The following RBFOX1 variants were observed in gnomAD, a reference collection of about 807,000 sequenced individuals.
The protein encoded by RBFOX1 is RNA binding protein fox-1 homolog 1.
RBFOX1 carries 8 observed loss-of-function variants against 57.7 expected under a neutral mutation model. That is an observed-to-expected ratio of 0.14 (90% CI 0.08 to 0.25). The LOEUF (loss-of-function observed/expected upper bound fraction) is 0.25, where lower values mean the gene tolerates loss of function less well. Among genes scored for constraint, RBFOX1 ranks in the 10% least tolerant of loss-of-function variants. The pLI is 1.00. For missense variants in RBFOX1, 611 were observed against 548.5 expected, an observed-to-expected ratio of 1.11 and a Z score of -1.14; for synonymous variants, 326 against 222.4, an observed-to-expected ratio of 1.47 and a Z score of -4.15.
intron 13 of RBFOX1, among the ~76,000 whole-genome samples, chr16:7,665,757 A>G (rs2069063130): frequency 6.6e-6 from 1 of 152,166 alleles, no homozygotes; most frequent in African/African-American, 2.4e-5. Context: ...CTAAATCACA[A>G]TTTTTATTAC....
chr16:5,417,665 C>T (rs1050114393), intron 1 of RBFOX1, among the ~76,000 whole-genome samples: 7 of 152,178 alleles, frequency 4.6e-5, no homozygotes, highest in Non-Finnish European at 1.0e-4. Flanking sequence ...TGGGGAAGGC[C>T]TGCCATTTTC....
At position 7,402,950 on chromosome 16, in the gene RBFOX1, C is replaced by T. The variant is rs187378998; in HGVS notation, c.28-115197C>T. 3.2e-3 allele frequency among the ~76,000 whole-genome samples: 486 copies of T among 152,238 alleles called. 2 individuals carry two copies. The highest frequency in any genetic ancestry group is 5.7e-3 in the Non-Finnish European group (391 of 68,020). On this transcript the variant is annotated intron_variant, in intron 4 of 15. Coordinates refer to ENST00000550418, the MANE Select transcript of RBFOX1 (RefSeq NM_018723.4). ...CTTGGAGGCAATTCTAGAAACACTG[C>T]AGAAAATTTGCAGTTTCTCCTCCAA...
chr16:7,309,365 C>G (rs1425475655), intron 4 of RBFOX1, among the ~76,000 whole-genome samples: 2 of 152,224 alleles, frequency 1.3e-5, no homozygotes, highest in Non-Finnish European at 2.9e-5. Context: ...TGGGCTGCCT[C>G]TGCTTTAAAA....
chr16:6,886,066 C>CTT (rs543955510), intron 3 of RBFOX1, among the ~76,000 whole-genome samples: 5,662 of 129,004 alleles, frequency 0.044, 261 homozygotes, highest in East Asian at 0.18. Flanking sequence ...TTTTTTTTTT[C>CTT]TTTTTTTTTT....
chr16:7,344,768 G>T (rs2096962999), intron 4 of RBFOX1, among the ~76,000 whole-genome samples: 1 of 152,192 alleles, frequency 6.6e-6, no homozygotes, highest in South Asian at 2.1e-4. Flanking sequence ...AGACCAGCCA[G>T]GTGTCTGGCT....
chr16:6,134,061 C>G (rs980890468), intron 1 of RBFOX1, among the ~76,000 whole-genome samples: 11 of 151,958 alleles, frequency 7.2e-5, no homozygotes, highest in African/African-American at 2.4e-4. Flanking sequence ...CTCAGCCCCC[C>G]AGGTAACTGA....
intron 1 of RBFOX1, among the ~76,000 whole-genome samples, chr16:5,390,863 A>C (rs1196193377): frequency 1.3e-5 from 2 of 152,188 alleles, no homozygotes; most frequent in African/African-American, 4.8e-5. Flanking sequence ...TCTTGTCACC[A>C]TAAGGGAAAG....
intron 3 of RBFOX1, chr16:6,873,966 C>T (rs879618329): frequency 6.6e-6 from 1 of 152,122 alleles, no homozygotes; most frequent in African/African-American, 2.4e-5. Context: ...GACCCCTGCA[C>T]AACGATGACA....
At chr16:6,336,595 C>T (rs2083790005) in intron 2 of RBFOX1, among the ~76,000 whole-genome samples, 1 of 152,064 alleles carries the variant, frequency 6.6e-6, no homozygotes, top group Non-Finnish European at 1.5e-5. Flanking sequence ...GCTTCAGTTC[C>T]AGCCTCATCA....
Position 5,921,138 on chromosome 16 carries a change from G to C in RBFOX1, c.351+53803G>C, listed in dbSNP as rs187263357. On this transcript the variant is annotated intron_variant, in intron 4 of 19. Coordinates refer to the RBFOX1 transcript ENST00000641259. ...CTGTTAGGATATAGGTATCATGCTA[G>C]GCACCCCAGAGAATGCTAAGGCCAT... Among the ~76,000 whole-genome samples the C allele has an allele frequency of 8.5e-5, 13 of 152,276 alleles. No homozygotes were observed. In the East Asian group the frequency reaches 2.1e-3, roughly 25 times the overall value.
chr16:5,432,238 A>AT (rs1167082037), intron 1 of RBFOX1, among the ~76,000 whole-genome samples: 1 of 152,182 alleles, frequency 6.6e-6, no homozygotes, highest in Non-Finnish European at 1.5e-5. Context: ...ACAGAATCAA[A>AT]TCGGCCTGTA....
intron 3 of RBFOX1, among the ~76,000 whole-genome samples, chr16:5,721,141 T>C (rs1171794589): frequency 6.6e-6 from 1 of 152,246 alleles, no homozygotes; most frequent in Non-Finnish European, 1.5e-5. Context: ...AATTTTACAT[T>C]TCCTGTTTTA....
At chr16:5,855,805 T>C (rs1482021469) in intron 3 of RBFOX1, among the ~76,000 whole-genome samples, 1 of 151,968 alleles carries the variant, frequency 6.6e-6, no homozygotes, top group East Asian at 1.9e-4. Context: ...GTAGATCACT[T>C]TGGGTTGTAT....
chr16:6,602,916 T>C (rs2097872535), intron 2 of RBFOX1, among the ~76,000 whole-genome samples: 1 of 152,144 alleles, frequency 6.6e-6, no homozygotes, highest in South Asian at 2.1e-4. Context: ...ATCCTGTCAC[T>C]AATAAAACGA....
intron 3 of RBFOX1, among the ~76,000 whole-genome samples, chr16:6,780,465 T>TA (rs2080764668): frequency 2.8e-5 from 3 of 105,970 alleles, no homozygotes; most frequent in South Asian, 6.4e-4. Flanking sequence ...TTTATATATA[T>TA]TTATATACAT....
At chr16:7,493,983 C>A (rs1165671926) in intron 4 of RBFOX1, among the ~76,000 whole-genome samples, 1 of 152,118 alleles carries the variant, frequency 6.6e-6, no homozygotes, top group Non-Finnish European at 1.5e-5. Context: ...TTTGAAGAAC[C>A]ACACTGATAA....
intron 9 of RBFOX1, among the ~76,000 whole-genome samples, chr16:7,605,161 T>A (rs1434589341): frequency 1.3e-5 from 2 of 151,982 alleles, no homozygotes; most frequent in African/African-American, 2.4e-5. Context: ...GGAATTAGAC[T>A]TTTTTTTAAA....
chr16:7,250,477 C>T (rs1243942716), intron 4 of RBFOX1, among the ~76,000 whole-genome samples: 2 of 151,676 alleles, frequency 1.3e-5, no homozygotes, highest in Non-Finnish European at 3.0e-5. Context: ...ATCGCCTCAG[C>T]TGCAGCCTCA....
chr16:7,422,488 A>G (rs772272557), intron 4 of RBFOX1, among the ~76,000 whole-genome samples: 2 of 152,198 alleles, frequency 1.3e-5, no homozygotes, highest in Non-Finnish European at 2.9e-5. Flanking sequence ...CGATTATGGC[A>G]TGATTTGGGG....
Sources: gnomAD v4.1 joint callset for allele counts (sites outside exome capture counted in the v4.1 genomes callset) on GRCh38, gnomAD v4.1.1 for gene constraint, MANE v1.5 for transcripts, NCBI Gene and HGNC (gene_info 2026-07-23, HGNC 2026-07-21) for gene names.